Variants in MED16 observed in about 807,000 individuals in gnomAD.
MED16 encodes mediator complex subunit 16.
A neutral mutation model predicts 84.4 loss-of-function variants in MED16; 81 were observed. The observed-to-expected ratio is 0.96, with a 90% CI of 0.80 to 1.15. MED16 has a LOEUF of 1.15. Among genes scored for constraint, MED16 ranks in the 50% most tolerant of loss-of-function variants. The pLI is 0.00. For missense variants in MED16, 1,585 were observed against 1,245.9 expected (o/e 1.27, Z -4.10); for synonymous variants, 897 against 552.2 (o/e 1.62, Z -8.76).
chr19:879,057 GCCC>G (rs2036344236), intron 8 of MED16, among the ~76,000 whole-genome samples: 1 of 121,920 alleles, frequency 8.2e-6, no homozygotes, highest in Non-Finnish European at 1.6e-5. Flanking sequence ...GGTTGTCAAT[GCCC>G]ACCAGCCCCA....
At chr19:881,867 G>A (rs146447195) in intron 6 of MED16, among the ~76,000 whole-genome samples, 153 bp from the exon 7 acceptor site, 2 of 152,332 alleles carry the variant, frequency 1.3e-5, no homozygotes, top group Admixed American at 1.3e-4. Context: ...ACCAGGCCCG[G>A]CCAATCCGAG....
In MED16 at chr19:885,759, C is replaced by A; in HGVS notation, c.879+11G>T. Reference sequence around the variant, plus strand: ...GCCTGCCAGCCCACGTGATGGCCTGCGCCCGTTCACCTGCTCCGACATGTC... The same window carrying A: ...GCCTGCCAGCCCACGTGATGGCCTGAGCCCGTTCACCTGCTCCGACATGTC... On this transcript the variant is annotated intron_variant, in intron 5 of 15. Transcript: ENST00000325464. 3 of 1,601,874 alleles carry A rather than the reference C, an allele frequency of 1.9e-6. No individual in the cohort carries two copies. The highest frequency in any genetic ancestry group is 1.7e-5 in the Admixed American group (1 of 59,976).
At chr19:872,168 G>C (rs201006271) in intron 11 of MED16, 50 bp from the exon 12 acceptor site, 5 of 1,522,678 alleles carry the variant, frequency 3.3e-6, no homozygotes, top group Non-Finnish European at 4.5e-6. Flanking sequence ...GGCAGATGGC[G>C]ATGGGATGAA....
chr19:869,428 C>T (rs1393976933), intron 13 of MED16, among the ~76,000 whole-genome samples: 38 of 118,680 alleles, frequency 3.2e-4, no homozygotes, highest in Admixed American at 5.2e-4. Flanking sequence ...GGTGGGGGAC[C>T]TGGGTCTGGG....
Position 870,509 on chromosome 19 carries a change from C to A in MED16, c.2315+528G>T, listed in dbSNP as rs374092709. 1.0e-4 allele frequency among the ~76,000 whole-genome samples: 15 copies of A among 149,012 alleles called. 1 individual carries two copies. The highest frequency in any genetic ancestry group is 3.7e-4 in the African/African-American group (15 of 40,288). ...CCGAGAGGCAGACGTTGCAGTGGGC[C>A]AAGACGGCACTACTGCACTCCAGCC... On this transcript the variant is annotated intron_variant, in intron 13 of 15. Coordinates refer to ENST00000325464, the MANE Select transcript of MED16 (RefSeq NM_005481.3).
At chr19:888,822 C>G (rs1266379860) in intron 4 of MED16, among the ~76,000 whole-genome samples, 1 of 152,142 alleles carries the variant, frequency 6.6e-6, no homozygotes, top group Admixed American at 6.5e-5. Context: ...CACGAAGGGA[C>G]GAGAGAAAAG....
At chr19:891,358 C>T (rs890128494) in intron 1 of MED16, among the ~76,000 whole-genome samples, 1 of 152,180 alleles carries the variant, frequency 6.6e-6, no homozygotes, top group African/African-American at 2.4e-5. Context: ...CTTCTACTCT[C>T]AGTAAGGTGG....
In MED16 at chr19:874,644, G is replaced by C. The variant is rs151197059; in HGVS notation, c.1771+600C>G. ...GCGTCTCAGCCCCCAGGAGTAGAGA[G>C]AGGTGAAAGGATCGCTTGAGCTCAG... On this transcript the variant is annotated intron_variant, in intron 10 of 15. Coordinates refer to ENST00000325464, the MANE Select transcript of MED16 (RefSeq NM_005481.3). Among the ~76,000 whole-genome samples the C allele has an allele frequency of 4.1e-3, 623 of 152,334 alleles. 5 individuals are homozygous for C. Among genetic ancestry groups the C allele is most frequent in the African/African-American group, 0.015 (605 of 41,576 alleles).
intron 6 of MED16, among the ~76,000 whole-genome samples, chr19:882,353 A>C (rs1251036950): frequency 1.3e-5 from 2 of 151,926 alleles, no homozygotes; most frequent in African/African-American, 4.8e-5. Context: ...TACAAAAAAA[A>C]CACAGTAAAC....
intron 13 of MED16, among the ~76,000 whole-genome samples, chr19:870,424 G>A (rs1233794894): frequency 6.6e-6 from 1 of 152,124 alleles, no homozygotes; most frequent in African/African-American, 2.4e-5. Context: ...ACCTAGGTGT[G>A]GTGGCTCATG....
At chr19:891,817 G>C in intron 1 of MED16, among the ~76,000 whole-genome samples, 1 of 107,572 alleles carries the variant, frequency 9.3e-6, no homozygotes, top group Admixed American at 8.4e-5. Context: ...GGCTGAGTGT[G>C]ACGGGGAACA....
intron 4 of MED16, among the ~76,000 whole-genome samples, chr19:887,945 G>C (rs184492200): frequency 6.6e-6 from 1 of 152,182 alleles, no homozygotes; most frequent in East Asian, 1.9e-4. Context: ...ACTCACGCCT[G>C]TCATCCCAGC....
rs757979642 is a variant in MED16 at position 868,160 on chromosome 19, G to T, written c.2575C>A (p.His859Asn). ...AFVQLGPQST[H>N]HSPRTPRSLD... ...GATCTGGGGGTCCTGGGAGAGTGGT[G>T]TGTGGACTGCGGGCCCAGCTGGACA... is the stretch of plus-strand genomic sequence containing the variant. The change falls in exon 16 of 16, where the codon CAC (histidine) becomes AAC (asparagine). Residue 859 changes from histidine (H) to asparagine (N), a missense_variant. Physicochemically the swap from His to Asn is moderately conservative, Grantham distance 68. Coordinates refer to ENST00000325464, the MANE Select transcript of MED16 (RefSeq NM_005481.3). The T allele has an allele frequency of 1.2e-6, 2 of 1,611,626 alleles. No individual in the cohort carries two copies. Among genetic ancestry groups the T allele is most frequent in the African/African-American group, 1.3e-5 (1 of 74,918 alleles).
rs542623228 is a variant in MED16, at chr19:874,555, G to A, written c.1771+689C>T. ...AGCCTTTCTGCCTCAGTCCCCTTACGGCAAAACGGAAGGAGGAGCAGACCT... is the reference window on the plus strand; with the variant it reads ...AGCCTTTCTGCCTCAGTCCCCTTACAGCAAAACGGAAGGAGGAGCAGACCT... On this transcript the variant is annotated intron_variant, in intron 10 of 15. Coordinates refer to ENST00000325464, the MANE Select transcript of MED16 (RefSeq NM_005481.3). Among the ~76,000 whole-genome samples, 23 of 152,238 alleles carry A rather than the reference G, an allele frequency of 1.5e-4. No homozygotes were observed. In the East Asian group the frequency reaches 1.7e-3, roughly 12 times the overall value.
chr19:887,384 T>G (rs992934650), intron 4 of MED16, among the ~76,000 whole-genome samples: 1 of 152,010 alleles, frequency 6.6e-6, no homozygotes, highest in Non-Finnish European at 1.5e-5. Flanking sequence ...AAACAAAAAT[T>G]TGGCCGGACG....
chr19:870,417 T>G (rs1599313894), intron 13 of MED16, among the ~76,000 whole-genome samples: 1 of 151,560 alleles, frequency 6.6e-6, no homozygotes, highest in Non-Finnish European at 1.5e-5. Context: ...AAAAAATACC[T>G]AGGTGTGGTG....
intron 13 of MED16, among the ~76,000 whole-genome samples, chr19:870,150 G>A (rs745998145): frequency 6.6e-5 from 10 of 152,212 alleles, no homozygotes; most frequent in Non-Finnish European, 1.2e-4. Context: ...ATGCTAAGGC[G>A]TCTCTCTCCA....
chr19:884,333 T>C (rs1348828284), intron 6 of MED16, among the ~76,000 whole-genome samples: 1 of 151,764 alleles, frequency 6.6e-6, no homozygotes, highest in Admixed American at 6.6e-5. Flanking sequence ...GAGGTGGGGA[T>C]GACGGGCTTG....
At chr19:874,869 A>G (rs929650953) in intron 10 of MED16, among the ~76,000 whole-genome samples, 1 of 152,076 alleles carries the variant, frequency 6.6e-6, no homozygotes, top group African/African-American at 2.4e-5. Flanking sequence ...GACCGTCTCT[A>G]AAAGCCTGGG....
Sources: gnomAD v4.1 joint callset for allele counts (sites outside exome capture counted in the v4.1 genomes callset) on GRCh38, gnomAD v4.1.1 for gene constraint, MANE v1.5 for transcripts, NCBI Gene and HGNC (gene_info 2026-07-23, HGNC 2026-07-21) for gene names.